The following WASF1 variants were observed in gnomAD, a reference collection of about 807,000 sequenced individuals.
WASF1 encodes the protein WASP family member 1.
WASF1 carries 7 observed loss-of-function variants against 50.5 expected under a neutral mutation model. The ratio of observed to expected loss-of-function variants is 0.14; its 90% CI spans 0.08 to 0.26. WASF1 has a LOEUF of 0.26. Among genes scored for constraint, WASF1 ranks in the 10% least tolerant of loss-of-function variants. The pLI is 1.00. For synonymous variants in WASF1, 205 were observed against 244.0 expected (o/e 0.84, Z 1.49); for missense variants, 470 against 694.7 (o/e 0.68, Z 3.64).
At chr6:110,110,957 A>G (rs1382995213) in intron 5 of WASF1, among the ~76,000 whole-genome samples, 1 of 152,172 alleles carries the variant, frequency 6.6e-6, no homozygotes, top group Non-Finnish European at 1.5e-5. Flanking sequence ...CTGCTCCACA[A>G]AATTTTAAAG....
Position 110,130,302 on chromosome 6 carries a change from T to C in WASF1, c.-28-2673A>G, listed in dbSNP as rs1448441908. 2.0e-5 allele frequency among the ~76,000 whole-genome samples: 3 copies of C among 152,282 alleles called. No individual in the cohort carries two copies. The East Asian group carries it at 5.8e-4, about 29-fold the overall frequency. ...AGAAATAAAATATTGCCTGTACCAA[T>C]TGCCAGAACCCGTCCACTTTGGTCC... On this transcript the variant is annotated intron_variant, in intron 3 of 10. Transcript: ENST00000392589.
intron 2 of WASF1, among the ~76,000 whole-genome samples, chr6:110,163,066 A>G (rs1000308694): frequency 5.3e-5 from 8 of 151,612 alleles, no homozygotes; most frequent in Non-Finnish European, 7.4e-5. Flanking sequence ...ATAAAAGTCA[A>G]CTGCTTCCCA....
At chr6:110,147,464 A>G (rs1775625635) in intron 3 of WASF1, among the ~76,000 whole-genome samples, 1 of 152,204 alleles carries the variant, frequency 6.6e-6, no homozygotes, top group Non-Finnish European at 1.5e-5. Flanking sequence ...AAAGGAAATG[A>G]AGAAATAAGC....
chr6:110,152,729 ATT>A (rs1468749101), intron 3 of WASF1, among the ~76,000 whole-genome samples: 1 of 152,186 alleles, frequency 6.6e-6, no homozygotes, highest in African/African-American at 2.4e-5. Context: ...CTATAAGATA[ATT>A]ACTAGAGATG....
intron 10 of WASF1, 67 bp downstream of exon 10, chr6:110,101,521 G>T: frequency 6.6e-7 from 1 of 1,519,068 alleles, no homozygotes; most frequent in Admixed American, 2.2e-5. Flanking sequence ...ACACATTTTT[G>T]TCTTAAATAT....
At position 110,113,453 on chromosome 6, in the gene WASF1, A is replaced by G. The variant is rs1486544914; in HGVS notation, c.141T>C (p.Tyr47=). 1 of 1,589,942 alleles carries G rather than the reference A, an allele frequency of 6.3e-7. No individual in the cohort carries two copies. Among genetic ancestry groups the G allele is most frequent in the Non-Finnish European group, 8.5e-7 (1 of 1,170,816 alleles). ...IIRQLSSLSK[Y]AEDIFGELFN... Reference sequence around the variant, plus strand: ...ATAATTCTCCAAATATATCTTCAGCATATTTACCTAAGCAAAAATGACACA... The same window carrying G: ...ATAATTCTCCAAATATATCTTCAGCGTATTTACCTAAGCAAAAATGACACA... The change falls in exon 5 of 11, where the codon TAT becomes TAC. Residue 47 remains tyrosine, a synonymous_variant. Transcript: ENST00000392589.
rs1189445084 is a variant in WASF1 at position 110,115,220 on chromosome 6, A to G, written c.134-1760T>C. On this transcript the variant is annotated intron_variant, in intron 4 of 10. Transcript: ENST00000392589. ...AGTGTCCTATTCCAGAAAAAAAAAAAACTGCTACAGAGGACATTTATTAGT... is the reference window on the plus strand; with the variant it reads ...AGTGTCCTATTCCAGAAAAAAAAAAGACTGCTACAGAGGACATTTATTAGT... Among the ~76,000 whole-genome samples the G allele has an allele frequency of 2.6e-5, 4 of 152,062 alleles. No individual in the cohort carries two copies. In the East Asian group the frequency reaches 5.8e-4, roughly 22 times the overall value.
rs147654821 is a variant in WASF1 at position 110,163,303 on chromosome 6, T to C, written c.-126-2571A>G. 8.0e-3 allele frequency among the ~76,000 whole-genome samples: 1,214 copies of C among 151,714 alleles called. 7 individuals carry two copies. Among genetic ancestry groups the C allele is most frequent in the Non-Finnish European group, 0.011 (752 of 67,682 alleles). On this transcript the variant is annotated intron_variant, in intron 2 of 10. Coordinates refer to ENST00000392589, the MANE Select transcript of WASF1 (RefSeq NM_003931.3). ...GCTGCTATAATGAAGTACCACAGAA[T>C]AGGCATCTTATAAATGACAGAAATT...
In WASF1 at chr6:110,175,085, T is replaced by A. The variant is rs113878280; in HGVS notation, c.-127+3513A>T. Among the ~76,000 whole-genome samples, 585 of 152,208 alleles carry A rather than the reference T, an allele frequency of 3.8e-3. 1 individual carries two copies. Among genetic ancestry groups the A allele is most frequent in the African/African-American group, 0.013 (520 of 41,562 alleles). ...TACCAAAGCTCCATAGCACCCCAGG[T>A]AAGGCTGCTACAAATACAAGATGCC... On this transcript the variant is annotated intron_variant, in intron 2 of 10. Transcript: ENST00000392589.
At chr6:110,164,827 G>GGAA in intron 2 of WASF1, among the ~76,000 whole-genome samples, 1 of 151,654 alleles carries the variant, frequency 6.6e-6, no homozygotes, top group South Asian at 2.1e-4. Flanking sequence ...GTAAAATAAA[G>GGAA]TGTGGTACAC....
intron 10 of WASF1, 58 bp from the exon 11 acceptor site, chr6:110,100,737 T>C: frequency 7.1e-7 from 1 of 1,403,556 alleles, no homozygotes; most frequent in South Asian, 1.6e-5. Context: ...CTAGATATTA[T>C]TAATATTTCT....
intron 2 of WASF1, among the ~76,000 whole-genome samples, chr6:110,175,280 A>G (rs747595278): frequency 3.3e-5 from 5 of 152,196 alleles, no homozygotes; most frequent in Non-Finnish European, 5.9e-5. Flanking sequence ...AAAATAAGGA[A>G]ACAAAGGAAA....
Position 110,131,632 on chromosome 6 carries a change from G to A in WASF1, c.-28-4003C>T, listed in dbSNP as rs1049351255. Among the ~76,000 whole-genome samples, 41 of 152,082 alleles carry A rather than the reference G, an allele frequency of 2.7e-4. 1 individual carries two copies. Among genetic ancestry groups the A allele is most frequent in the Non-Finnish European group, 1.6e-4 (11 of 67,972 alleles). ...AAGCGATTCTCCTGCCTCAGCCTCC[G>A]GAGCAGCTGGGACTACAGGTGCCAC... is the stretch of plus-strand genomic sequence containing the variant. On this transcript the variant is annotated intron_variant, in intron 3 of 10. Transcript: ENST00000392589.
At chr6:110,154,839 A>G (rs556821445) in intron 3 of WASF1, among the ~76,000 whole-genome samples, 1 of 152,140 alleles carries the variant, frequency 6.6e-6, no homozygotes, top group African/African-American at 2.4e-5. Context: ...AATTTGGATA[A>G]AAATTGAAAT....
rs142420027 is a variant in WASF1 at position 110,138,799 on chromosome 6, C to T, written c.-28-11170G>A. Among the ~76,000 whole-genome samples the T allele has an allele frequency of 7.2e-3, 1,089 of 152,272 alleles. 19 individuals carry two copies. Among genetic ancestry groups the T allele is most frequent in the African/African-American group, 0.025 (1,047 of 41,554 alleles). ...GCATGCTGATTGGTCCATAGGCGGC[C>T]ATGGGTGGGCTTGGAAAAGACACCA... is the stretch of plus-strand genomic sequence containing the variant. On this transcript the variant is annotated intron_variant, in intron 3 of 10. Coordinates refer to ENST00000392589, the MANE Select transcript of WASF1 (RefSeq NM_003931.3).
At chr6:110,126,943 C>T (rs1210287364) in intron 4 of WASF1, among the ~76,000 whole-genome samples, 1 of 152,150 alleles carries the variant, frequency 6.6e-6, no homozygotes, top group Non-Finnish European at 1.5e-5. Context: ...CACAATGCTG[C>T]ATATCAGATT....
intron 3 of WASF1, among the ~76,000 whole-genome samples, chr6:110,146,552 A>C (rs1583998199): frequency 6.6e-6 from 1 of 151,826 alleles, no homozygotes; most frequent in African/African-American, 2.4e-5. Context: ...AAATATATAT[A>C]TCTAACTTTA....
Position 110,129,686 on chromosome 6 carries a change from T to C in WASF1, c.-28-2057A>G, listed in dbSNP as rs907718751. The stretch of plus-strand genomic sequence containing the variant: ...GCTCACTTTGCTAGCTCTGCTATTG[T>C]AAGTTACACAATGAGAACTGCTCAA... On this transcript the variant is annotated intron_variant, in intron 3 of 10. Coordinates refer to ENST00000392589, the MANE Select transcript of WASF1 (RefSeq NM_003931.3). Among the ~76,000 whole-genome samples the C allele has an allele frequency of 7.9e-5, 12 of 152,340 alleles. No homozygotes were observed. In the East Asian group the frequency reaches 2.3e-3, roughly 29 times the overall value.
At chr6:110,127,921 T>A (rs1351410784) in intron 3 of WASF1, among the ~76,000 whole-genome samples, 1 of 152,210 alleles carries the variant, frequency 6.6e-6, no homozygotes, top group Admixed American at 6.5e-5. Flanking sequence ...TAACATTTTA[T>A]TTTCTCTGGT....
Sources: gnomAD v4.1 joint callset for allele counts (sites outside exome capture counted in the v4.1 genomes callset) on GRCh38, gnomAD v4.1.1 for gene constraint, MANE v1.5 for transcripts, NCBI Gene and HGNC (gene_info 2026-07-23, HGNC 2026-07-21) for gene names.